The following PLEKHA6 variants were observed in gnomAD, a reference collection of about 807,000 sequenced individuals.
PLEKHA6 encodes the protein pleckstrin homology domain containing A6.
A neutral mutation model predicts 116.7 loss-of-function variants in PLEKHA6; 60 were observed. The ratio of observed to expected loss-of-function variants is 0.51; its 90% CI spans 0.42 to 0.64. The LOEUF (loss-of-function observed/expected upper bound fraction) is 0.64. Ranked by LOEUF, PLEKHA6 falls within the 30% of genes least tolerant of loss-of-function variation. PLEKHA6 has a pLI of 0.00. For missense variants in PLEKHA6, 1,338 were observed against 1,422.7 expected (o/e 0.94, Z 0.96); for synonymous variants, 489 against 556.1 (o/e 0.88, Z 1.70).
chr1:204,283,372 G>A (rs2102980264), intron 1 of PLEKHA6, among the ~76,000 whole-genome samples: 1 of 152,310 alleles, frequency 6.6e-6, no homozygotes, highest in Non-Finnish European at 1.5e-5. Flanking sequence ...ATGGTATTGA[G>A]TGATGCCTTG....
chr1:204,262,924 C>T (rs1666312043), intron 6 of PLEKHA6, among the ~76,000 whole-genome samples: 1 of 151,652 alleles, frequency 6.6e-6, no homozygotes, highest in Non-Finnish European at 1.5e-5. Context: ...AGGTGGAGAA[C>T]ACAGGGTTAT....
chr1:204,338,871 C>T (rs1245140212), intron 1 of PLEKHA6, among the ~76,000 whole-genome samples: 1 of 152,220 alleles, frequency 6.6e-6, no homozygotes, highest in African/African-American at 2.4e-5. Context: ...CCAATACATG[C>T]TTTCAGTCTT....
At chr1:204,283,522 G>A (rs903776572) in intron 1 of PLEKHA6, among the ~76,000 whole-genome samples, 6 of 152,174 alleles carry the variant, frequency 3.9e-5, no homozygotes, top group Non-Finnish European at 8.8e-5. Flanking sequence ...GGCAAGGAAG[G>A]CCCATTTTAG....
At chr1:204,231,867 G>A (rs1177715643) in intron 17 of PLEKHA6, among the ~76,000 whole-genome samples, 2 of 152,072 alleles carry the variant, frequency 1.3e-5, no homozygotes, top group East Asian at 3.9e-4. Flanking sequence ...TGCCTGGTCT[G>A]TATTGCTTGT....
At chr1:204,308,689 T>TTTTTTTC in intron 1 of PLEKHA6, among the ~76,000 whole-genome samples, 1 of 116,278 alleles carries the variant, frequency 8.6e-6, no homozygotes, top group Non-Finnish European at 1.8e-5. Flanking sequence ...TTCTTTTTCT[T>TTTTTTTC]TTTTTTTTTT....
upstream of PLEKHA6, among the ~76,000 whole-genome samples, chr1:204,363,356 G>T (rs945425385): frequency 6.6e-5 from 10 of 152,232 alleles, no homozygotes; most frequent in African/African-American, 2.4e-4. Flanking sequence ...GGCCGTGGGT[G>T]GACTGCCTGC....
chr1:204,366,068 A>G (rs1673641746), intron 3 of PLEKHA6, among the ~76,000 whole-genome samples: 1 of 152,236 alleles, frequency 6.6e-6, no homozygotes, highest in Non-Finnish European at 1.5e-5. Context: ...AGATGGCAGC[A>G]CAGCCAGCCA....
intron 1 of PLEKHA6, among the ~76,000 whole-genome samples, chr1:204,309,385 C>T (rs1224211691): frequency 6.6e-6 from 1 of 152,212 alleles, no homozygotes; most frequent in Non-Finnish European, 1.5e-5. Flanking sequence ...TCGTTCTGGT[C>T]AACGATGGAC....
In PLEKHA6 at chr1:204,277,424, T is replaced by TC. The variant is rs576795090; in HGVS notation, c.-94-2616dup. 1.3e-4 allele frequency among the ~76,000 whole-genome samples: 20 copies of TC among 152,154 alleles called. No individual in the cohort carries two copies. The South Asian group carries it at 4.2e-3, about 32-fold the overall frequency. On this transcript the variant is annotated intron_variant, in intron 1 of 22. Transcript: ENST00000272203. This position sits in a 1 kb window ranked among gnomAD's most constrained non-coding sequence, Gnocchi z 4.1. ...GAGCAGGTGTAGCACTCCCAGGTAG[T>TC]CCGACCTCAGTGAGCTAAGGACGCA...
At chr1:204,294,224 G>A (rs1222315951) in intron 1 of PLEKHA6, among the ~76,000 whole-genome samples, 1 of 152,142 alleles carries the variant, frequency 6.6e-6, no homozygotes, top group African/African-American at 2.4e-5. Context: ...AGAAAATCTT[G>A]TCCAGAAGAT....
At chr1:204,307,844 C>T in intron 1 of PLEKHA6, 1 of 985,092 alleles carries the variant, frequency 1.0e-6, no homozygotes, top group Non-Finnish European at 1.2e-6. Flanking sequence ...CAGCCCCAAC[C>T]CCTCCAGCAG....
rs148042120 is a variant in PLEKHA6 at position 204,302,876 on chromosome 1, CAAAGAAAAAGAA to C, written c.-94-28079_-94-28068del. Among the ~76,000 whole-genome samples, 97 of 148,466 alleles carry C rather than the reference CAAAGAAAAAGAA, an allele frequency of 6.5e-4. No individual in the cohort carries two copies. The East Asian group carries it at 0.016, about 24-fold the overall frequency. On this transcript the variant is annotated intron_variant, in intron 1 of 22. Transcript: ENST00000272203. ...GGGGGACAAGAGCAAAACTCCATCT[CAAAGAAAAAGAA>C]AAAGAAAAAGAAAAAGAAAACCACT...
chr1:204,232,147 C>T (rs6679037), intron 17 of PLEKHA6, among the ~76,000 whole-genome samples: 78,473 of 151,970 alleles, frequency 0.52, 20,889 homozygotes, highest in African/African-American at 0.66. Context: ...TTTCTACTGT[C>T]GAGTGGAAAC....
rs1416403757 is a variant in PLEKHA6 at position 204,222,570 on chromosome 1, C to G, written c.*218G>C. ...ACCACGGTGTGAGTAGTGATGGCTC[C>G]AGGGCTGGGCATGGTGGGTGTGTGG... On this transcript the variant is annotated 3_prime_UTR_variant, in exon 23 of 23. Transcript: ENST00000272203. The G allele has an allele frequency of 6.5e-6, 1 of 152,784 alleles. No homozygotes were observed. The highest frequency in any genetic ancestry group is 1.5e-5 in the Non-Finnish European group (1 of 68,160). The allele number at this position is 152,784 out of a possible 1,614,324, so 9.5% of individuals were successfully genotyped here.
chr1:204,312,020 C>G (rs1389979338), intron 1 of PLEKHA6, among the ~76,000 whole-genome samples: 2 of 152,202 alleles, frequency 1.3e-5, no homozygotes, highest in African/African-American at 4.8e-5. Flanking sequence ...TACATATTTT[C>G]TCATTGAATT....
At chr1:204,266,803 C>T (rs1666877770) in intron 5 of PLEKHA6, among the ~76,000 whole-genome samples, 1 of 152,184 alleles carries the variant, frequency 6.6e-6, no homozygotes, top group Non-Finnish European at 1.5e-5. Context: ...TCCTCTCATC[C>T]CTCACGCCTA....
At chr1:204,306,186 C>T (rs1671284035) in intron 1 of PLEKHA6, among the ~76,000 whole-genome samples, 1 of 152,202 alleles carries the variant, frequency 6.6e-6, no homozygotes, top group Non-Finnish European at 1.5e-5. Context: ...CAGCCTCTGG[C>T]TCTGTCCCAT....
At chr1:204,314,826 A>G (rs1291864789) in intron 1 of PLEKHA6, among the ~76,000 whole-genome samples, 4 of 143,606 alleles carry the variant, frequency 2.8e-5, no homozygotes, top group African/African-American at 1.0e-4. Context: ...GACAGCATGT[A>G]TGCTGGTATT....
intron 12 of PLEKHA6, among the ~76,000 whole-genome samples, chr1:204,248,091 T>A (rs1237280573): frequency 2.0e-5 from 3 of 150,742 alleles, no homozygotes; most frequent in Non-Finnish European, 4.4e-5. Flanking sequence ...GGAGCCATTC[T>A]CCAAGCAGTC....
Sources: gnomAD v4.1 joint callset for allele counts (sites outside exome capture counted in the v4.1 genomes callset) on GRCh38, gnomAD v4.1.1 for gene constraint, Gnocchi (gnomAD v3.1) non-coding constraint, MANE v1.5 for transcripts, NCBI Gene and HGNC (gene_info 2026-07-23, HGNC 2026-07-21) for gene names.